C12orf54: variants seen among roughly 807,000 people sequenced by gnomAD.
The protein encoded by C12orf54 is uncharacterized protein C12orf54.
C12orf54 carries 24 observed loss-of-function variants against 26.4 expected under a neutral mutation model. The observed-to-expected ratio is 0.91, with a 90% confidence interval of 0.66 to 1.28. C12orf54 has a LOEUF of 1.28. Among genes scored for constraint, C12orf54 ranks in the 50% most tolerant of loss-of-function variants. C12orf54 has a pLI of 0.00. For missense variants in C12orf54, 154 were observed against 150.9 expected, an observed-to-expected ratio of 1.02 and a Z score of -0.11; for synonymous variants, 54 against 47.0, an observed-to-expected ratio of 1.15 and a Z score of -0.61.
intron 5 of C12orf54, among the ~76,000 whole-genome samples, chr12:48,490,575 C>T (rs1027152038): frequency 6.6e-6 from 1 of 152,186 alleles, no homozygotes. Context: ...ATTGCTTGAA[C>T]TTGGGAGGTG....
chr12:48,420,500 T>A, the C12orf54 span, among the ~76,000 whole-genome samples: 3 of 152,184 alleles, frequency 2.0e-5, no homozygotes, highest in Non-Finnish European at 4.4e-5. Flanking sequence ...TCTTGCCAGT[T>A]TTACAACCCA....
chr12:48,478,096 C>G (rs1490048411), upstream of C12orf54, among the ~76,000 whole-genome samples: 1 of 152,134 alleles, frequency 6.6e-6, no homozygotes, highest in African/African-American at 2.4e-5. Context: ...GTTCAACATA[C>G]ACAAATCAAT....
the C12orf54 span, among the ~76,000 whole-genome samples, chr12:48,469,142 A>AAC: frequency 6.6e-6 from 1 of 152,196 alleles, no homozygotes; most frequent in Admixed American, 6.5e-5. Flanking sequence ...TAAACATCTT[A>AAC]ACAGGAAACA....
At chr12:48,479,938 C>T (rs1954181668), upstream of C12orf54, among the ~76,000 whole-genome samples, 1 of 152,030 alleles carries the variant, frequency 6.6e-6, no homozygotes, top group Non-Finnish European at 1.5e-5. Flanking sequence ...AAGATGGATT[C>T]CAGATGAACT....
chr12:48,493,770 TGAG>T (rs1270075748), intron 7 of C12orf54, among the ~76,000 whole-genome samples: 1 of 139,612 alleles, frequency 7.2e-6, no homozygotes, highest in African/African-American at 2.7e-5. Context: ...CATAACAAGA[TGAG>T]GAGAAAAAAG....
the C12orf54 span, among the ~76,000 whole-genome samples, chr12:48,440,581 G>A: frequency 6.6e-5 from 10 of 152,100 alleles, no homozygotes; most frequent in African/African-American, 2.2e-4. Flanking sequence ...GCATTATTAG[G>A]GCCAAGCGGC....
the C12orf54 span, among the ~76,000 whole-genome samples, chr12:48,415,927 C>A: frequency 6.6e-6 from 1 of 152,138 alleles, no homozygotes; most frequent in East Asian, 1.9e-4. Context: ...ATGTGCATGT[C>A]CCCGATTATC....
At chr12:48,419,692 GA>G in the C12orf54 span, among the ~76,000 whole-genome samples, 1 of 152,248 alleles carries the variant, frequency 6.6e-6, no homozygotes, top group East Asian at 1.9e-4. Context: ...AGGAAGGGAT[GA>G]AAAGAAGTGA....
intron 5 of C12orf54, among the ~76,000 whole-genome samples, chr12:48,489,556 G>T (rs2137092653): frequency 6.6e-6 from 1 of 151,942 alleles, no homozygotes; most frequent in South Asian, 2.1e-4. Flanking sequence ...CTCTCAAGTA[G>T]CTGGGACTAC....
chr12:48,427,444 A>T, the C12orf54 span, among the ~76,000 whole-genome samples: 2 of 152,084 alleles, frequency 1.3e-5, no homozygotes, highest in African/African-American at 4.8e-5. Flanking sequence ...ATTGTGGTGG[A>T]TTCGCTTTTT....
chr12:48,455,508 T>C, the C12orf54 span, among the ~76,000 whole-genome samples: 1 of 152,158 alleles, frequency 6.6e-6, no homozygotes, highest in Admixed American at 6.5e-5. Context: ...TTGTTACAGA[T>C]CTCAGAGAAA....
chr12:48,421,512 CTTTTTTTTTT>C, the C12orf54 span, among the ~76,000 whole-genome samples: 2 of 43,450 alleles, frequency 4.6e-5, no homozygotes, highest in Non-Finnish European at 8.3e-5. Context: ...ATATCATGTG[CTTTTTTTTTT>C]TTTTTTTTTT....
At chr12:48,465,359 T>A in the C12orf54 span, among the ~76,000 whole-genome samples, 1 of 152,010 alleles carries the variant, frequency 6.6e-6, no homozygotes, top group East Asian at 1.9e-4. Flanking sequence ...AAAAGCACAA[T>A]GAGACACCAT....
At chr12:48,454,791 C>T in the C12orf54 span, among the ~76,000 whole-genome samples, 1 of 152,074 alleles carries the variant, frequency 6.6e-6, no homozygotes, top group Non-Finnish European at 1.5e-5. Flanking sequence ...ATGAAATATG[C>T]AAAGCTTAAG....
At chr12:48,426,919 A>G in the C12orf54 span, among the ~76,000 whole-genome samples, 1 of 152,030 alleles carries the variant, frequency 6.6e-6, no homozygotes, top group Non-Finnish European at 1.5e-5. Context: ...GAATTTTTGT[A>G]CACTGATTTT....
chr12:48,483,287 C>G lies in C12orf54; in HGVS notation c.-10C>G. 3 of 1,613,748 alleles carry G rather than the reference C, an allele frequency of 1.9e-6. No individual in the cohort carries two copies. Among genetic ancestry groups the G allele is most frequent in the Non-Finnish European group, 2.5e-6 (3 of 1,179,748 alleles). On this transcript the variant is annotated 5_prime_UTR_variant, in exon 2 of 9. Transcript: ENST00000548364. ...CAGCTCCAGAGTCCTTGGTTTCTGT[C>G]TGAGAACAAATGGCACAGCATCCCT...
chr12:48,427,917 A>G, the C12orf54 span, among the ~76,000 whole-genome samples: 35 of 152,088 alleles, frequency 2.3e-4, no homozygotes, highest in African/African-American at 8.0e-4. Context: ...ACCATATGAT[A>G]GGCCACAAAA....
the C12orf54 span, among the ~76,000 whole-genome samples, chr12:48,435,216 G>A: frequency 2.6e-5 from 4 of 152,108 alleles, no homozygotes; most frequent in Non-Finnish European, 5.9e-5. Context: ...AGAGAAAAAA[G>A]AATAAAAAGA....
the C12orf54 span, among the ~76,000 whole-genome samples, chr12:48,465,838 C>T: frequency 1.3e-5 from 2 of 152,164 alleles, no homozygotes. Context: ...CACATGTTCT[C>T]ACTTACAAGT....
Sources: gnomAD v4.1 joint callset for allele counts (sites outside exome capture counted in the v4.1 genomes callset) on GRCh38, gnomAD v4.1.1 for gene constraint, MANE v1.5 for transcripts, NCBI Gene and HGNC (gene_info 2026-07-23, HGNC 2026-07-21) for gene names.